NCOA2: variants seen among roughly 807,000 people sequenced by gnomAD.
NCOA2 encodes nuclear receptor coactivator 2, also known as class E basic helix-loop-helix protein 75.
In NCOA2, 21 loss-of-function variants were observed where a neutral mutation model predicts 145.1. The observed-to-expected ratio is 0.14, with a 90% CI of 0.10 to 0.21. The LOEUF is 0.21. Among genes scored for constraint, NCOA2 ranks in the 10% least tolerant of loss-of-function variants. The pLI is 1.00. For synonymous variants in NCOA2, 619 were observed against 637.5 expected (o/e 0.97, Z 0.44); for missense variants, 1,472 against 1,837.6 (o/e 0.80, Z 3.64).
the NCOA2 span, among the ~76,000 whole-genome samples, chr8:70,411,360 T>G: frequency 6.6e-6 from 1 of 152,190 alleles, no homozygotes; most frequent in Admixed American, 6.5e-5. Context: ...GCATGAATGT[T>G]TATGTGAAAA....
At chr8:70,263,895 C>A (rs929509053) in intron 2 of NCOA2, among the ~76,000 whole-genome samples, 1 of 152,102 alleles carries the variant, frequency 6.6e-6, no homozygotes, top group Admixed American at 6.5e-5. Context: ...TCATACCCCT[C>A]ATGTTATTAA....
chr8:70,120,629 G>A (rs1248425905), intron 22 of NCOA2, among the ~76,000 whole-genome samples: 2 of 152,142 alleles, frequency 1.3e-5, no homozygotes, highest in Non-Finnish European at 2.9e-5. Flanking sequence ...GCTGAGGCAG[G>A]AGAGTTGCCT....
At chr8:70,402,776 C>A (rs888310322) in intron 1 of NCOA2, among the ~76,000 whole-genome samples, 1 of 151,760 alleles carries the variant, frequency 6.6e-6, no homozygotes, top group South Asian at 2.1e-4. Flanking sequence ...GTCCGCCTCC[C>A]GCCCCCGGCC....
At chr8:70,404,371 T>C (rs990865367), upstream of NCOA2, among the ~76,000 whole-genome samples, 1 of 152,086 alleles carries the variant, frequency 6.6e-6, no homozygotes, top group African/African-American at 2.4e-5. Flanking sequence ...AGGACGAAGA[T>C]CGGGGAGAGC....
At chr8:70,268,294 T>C (rs1049553993) in intron 2 of NCOA2, among the ~76,000 whole-genome samples, 39 of 152,198 alleles carry the variant, frequency 2.6e-4, no homozygotes, top group Admixed American at 1.7e-3. Context: ...CCACTGCCCA[T>C]CTTTGACATC....
chr8:70,423,278 G>A, the NCOA2 span, among the ~76,000 whole-genome samples: 5 of 152,120 alleles, frequency 3.3e-5, no homozygotes, highest in Admixed American at 6.5e-5. Context: ...CTGCCCCCCA[G>A]GTTCAAGTGA....
chr8:70,373,613 C>T (rs945224739), intron 1 of NCOA2, among the ~76,000 whole-genome samples: 9 of 151,994 alleles, frequency 5.9e-5, no homozygotes, highest in Admixed American at 4.6e-4. Flanking sequence ...GAAATCCTTG[C>T]CTAACCAAAG....
intron 4 of NCOA2, among the ~76,000 whole-genome samples, chr8:70,184,473 A>G (rs1430193790): frequency 6.6e-6 from 1 of 152,166 alleles, no homozygotes; most frequent in Non-Finnish European, 1.5e-5. Context: ...TCCCACGCAG[A>G]GTGCTGCGAG....
intron 5 of NCOA2, among the ~76,000 whole-genome samples, chr8:70,173,744 C>T (rs576474467): frequency 6.6e-6 from 1 of 152,252 alleles, no homozygotes; most frequent in South Asian, 2.1e-4. Context: ...GGGTCAGATG[C>T]TCTTGGAGTC....
chr8:70,412,795 T>G, the NCOA2 span, among the ~76,000 whole-genome samples: 1 of 152,050 alleles, frequency 6.6e-6, no homozygotes, highest in Non-Finnish European at 1.5e-5. Flanking sequence ...TTAACACCAC[T>G]TAACATAAAA....
At chr8:70,455,673 A>G in the NCOA2 span, among the ~76,000 whole-genome samples, 96 of 138,726 alleles carry the variant, frequency 6.9e-4, no homozygotes, top group African/African-American at 2.5e-3. Flanking sequence ...CGAGTCCTTC[A>G]TTTTTTTTTT....
intron 2 of NCOA2, among the ~76,000 whole-genome samples, chr8:70,253,099 A>G (rs1823340046): frequency 6.6e-6 from 1 of 152,092 alleles, no homozygotes; most frequent in Non-Finnish European, 1.5e-5. Flanking sequence ...ATTTTTGTGA[A>G]GATTATTTAT....
intron 10 of NCOA2, among the ~76,000 whole-genome samples, chr8:70,158,181 G>A (rs1812500225): frequency 6.6e-6 from 1 of 152,110 alleles, no homozygotes; most frequent in Non-Finnish European, 1.5e-5. Flanking sequence ...ATTAACAGTT[G>A]GCAAACAGAG....
chr8:70,390,046 G>C (rs1813047050), intron 1 of NCOA2, among the ~76,000 whole-genome samples: 1 of 152,144 alleles, frequency 6.6e-6, no homozygotes, highest in South Asian at 2.1e-4. Context: ...CCTTAAAATT[G>C]CCCAGATTTG....
chr8:70,257,582 C>T (rs897450626), intron 2 of NCOA2, among the ~76,000 whole-genome samples: 3 of 152,202 alleles, frequency 2.0e-5, no homozygotes, highest in African/African-American at 4.8e-5. Context: ...ATGGGGCCGT[C>T]GGGGCCTCCC....
intron 1 of NCOA2, among the ~76,000 whole-genome samples, chr8:70,396,681 G>A (rs761121320): frequency 6.6e-6 from 1 of 152,016 alleles, no homozygotes; most frequent in East Asian, 1.9e-4. Context: ...GACTATTCAT[G>A]GGTCTTAAAA....
At chr8:70,180,087 G>C (rs547816178) in intron 4 of NCOA2, among the ~76,000 whole-genome samples, 45 of 152,196 alleles carry the variant, frequency 3.0e-4, no homozygotes, top group African/African-American at 1.1e-3. Context: ...AATCCCCACA[G>C]TTTTTCTTTT....
chr8:70,378,133 A>G (rs1374440089), intron 1 of NCOA2, among the ~76,000 whole-genome samples: 3 of 152,170 alleles, frequency 2.0e-5, no homozygotes, highest in Non-Finnish European at 2.9e-5. Context: ...CTTACACAGC[A>G]TATAAACCAC....
At chr8:70,355,183 C>T (rs1285619728) in intron 1 of NCOA2, among the ~76,000 whole-genome samples, 1 of 152,206 alleles carries the variant, frequency 6.6e-6, no homozygotes, top group Admixed American at 6.5e-5. Flanking sequence ...GCCAGATCAG[C>T]CATGCTCAGT....
Sources: allele counts gnomAD v4.1 joint callset (sites outside exome capture counted in the v4.1 genomes callset), GRCh38; gene constraint gnomAD v4.1.1; transcripts MANE v1.5; gene names NCBI Gene and HGNC (gene_info 2026-07-23, HGNC 2026-07-21).